TRAPPC9: variants seen among roughly 807,000 people sequenced by gnomAD.
The protein encoded by TRAPPC9 is IKK2 binding protein.
TRAPPC9 carries 83 observed loss-of-function variants against 124.0 expected under a neutral mutation model. The observed-to-expected ratio is 0.67, with a 90% CI of 0.56 to 0.80. The LOEUF (loss-of-function observed/expected upper bound fraction) is 0.80. TRAPPC9 is among the 30% of genes least tolerant of loss of function. The pLI, the probability that TRAPPC9 is intolerant of heterozygous loss-of-function variation, is 0.00. For missense variants in TRAPPC9, 1,302 were observed against 1,508.3 expected, an observed-to-expected ratio of 0.86 and a Z score of 2.27; for synonymous variants, 638 against 617.5, an observed-to-expected ratio of 1.03 and a Z score of -0.49.
chr8:140,457,736 C>A lies in TRAPPC9; in HGVS notation c.-108G>T, dbSNP rs1216426287. 4.0e-6 allele frequency: 4 copies of A among 995,702 alleles called. No homozygotes were observed. Among genetic ancestry groups the A allele is most frequent in the Non-Finnish European group, 4.8e-6 (4 of 836,320 alleles). 61.7% of individuals were successfully genotyped at this position (995,702 alleles called of 1,614,324 possible). A position where few individuals can be genotyped will look rare whatever the true frequency, so the allele number is the denominator to read the frequency against. ...CCACTTCCCAGGCTCTGGGCTGGCGCTTCCTACTGGCGGCCGAGCCGGCGC... is the reference window on the plus strand; with the variant it reads ...CCACTTCCCAGGCTCTGGGCTGGCGATTCCTACTGGCGGCCGAGCCGGCGC... On this transcript the variant is annotated 5_prime_UTR_variant, in exon 1 of 23. Coordinates refer to ENST00000438773, the MANE Select transcript of TRAPPC9 (RefSeq NM_001160372.4).
intron 7 of TRAPPC9, among the ~76,000 whole-genome samples, chr8:140,384,030 G>C (rs200346174): frequency 6.6e-6 from 1 of 152,238 alleles, no homozygotes; most frequent in Middle Eastern, 3.4e-3. Context: ...AAGAAAAGAA[G>C]TTTCAACCCA....
In TRAPPC9 at chr8:140,427,125, C is replaced by T. The variant is rs112025705; in HGVS notation, c.860-484G>A. On this transcript the variant is annotated intron_variant, in intron 4 of 22. Coordinates refer to ENST00000438773, the MANE Select transcript of TRAPPC9 (RefSeq NM_001160372.4). ...TTTTTTTTTGTATTTTTAGTAGAGA[C>T]GGGTTTCACCATGTTAGCCAGGCTG... 4.8e-3 allele frequency among the ~76,000 whole-genome samples: 697 copies of T among 144,836 alleles called. 6 individuals carry two copies. The highest frequency in any genetic ancestry group is 0.016 in the African/African-American group (628 of 39,104).
intron 6 of TRAPPC9, among the ~76,000 whole-genome samples, chr8:140,400,579 ATG>A (rs559664092): frequency 6.6e-6 from 1 of 152,188 alleles, no homozygotes; most frequent in South Asian, 2.1e-4. Flanking sequence ...AGTTCCTATT[ATG>A]GTTCCTGAGA....
At chr8:140,245,095 C>T (rs367864636) in intron 16 of TRAPPC9, among the ~76,000 whole-genome samples, 1 of 152,094 alleles carries the variant, frequency 6.6e-6, no homozygotes, top group Non-Finnish European at 1.5e-5. Flanking sequence ...CGAGCCACCG[C>T]GCCTGGCCTC....
At chr8:140,122,462 C>A (rs1307082854) in intron 17 of TRAPPC9, among the ~76,000 whole-genome samples, 2 of 152,196 alleles carry the variant, frequency 1.3e-5, no homozygotes, top group African/African-American at 4.8e-5. Flanking sequence ...ATAACTATTG[C>A]ATATAGTAGG....
chr8:140,337,600 C>T (rs1054181155), intron 9 of TRAPPC9, among the ~76,000 whole-genome samples: 11 of 152,290 alleles, frequency 7.2e-5, no homozygotes, highest in South Asian at 6.2e-4. Flanking sequence ...CATCCAGATG[C>T]GCCTCCCTCC....
chr8:140,440,260 C>T (rs1049604259), intron 2 of TRAPPC9, among the ~76,000 whole-genome samples: 3 of 152,300 alleles, frequency 2.0e-5, no homozygotes, highest in Non-Finnish European at 4.4e-5. Context: ...GTAATCCCAG[C>T]ACTTTGGGAG....
intron 9 of TRAPPC9, among the ~76,000 whole-genome samples, chr8:140,326,996 A>G (rs142170547): frequency 0.011 from 1,635 of 152,350 alleles, 32 homozygotes; most frequent in African/African-American, 0.038. Flanking sequence ...TCATGCCTGT[A>G]ATCCCAGCAC....
At chr8:139,919,717 C>T (rs1246950255) in intron 19 of TRAPPC9, among the ~76,000 whole-genome samples, 1 of 152,202 alleles carries the variant, frequency 6.6e-6, no homozygotes, top group Admixed American at 6.5e-5. Context: ...CCACTCCATC[C>T]TTACCTTGGT....
chr8:140,007,520 T>C lies in TRAPPC9; in HGVS notation c.2699+16417A>G, dbSNP rs532381694. On this transcript the variant is annotated intron_variant, in intron 18 of 22. Coordinates refer to ENST00000438773, the MANE Select transcript of TRAPPC9 (RefSeq NM_001160372.4). ...TGTTTCATGCATCACCATTTGGAAA[T>C]TAAACTCTACAATGATTAAACAAAG... Among the ~76,000 whole-genome samples the C allele has an allele frequency of 5.3e-5, 8 of 152,282 alleles. No individual in the cohort carries two copies. In the East Asian group the frequency reaches 1.5e-3, roughly 29 times the overall value.
intron 7 of TRAPPC9, among the ~76,000 whole-genome samples, chr8:140,397,080 C>G (rs1024581783): frequency 6.6e-6 from 1 of 152,178 alleles, no homozygotes; most frequent in Non-Finnish European, 1.5e-5. Context: ...CCAAGTTAAA[C>G]TAACTAAATA....
rs1418563384 is a variant in TRAPPC9 at position 140,257,522 on chromosome 8, G to A, written c.2279-4593C>T. ...TGGGAAAAAGGACCCCGTGCCATGCGAGCGCACAGGGGAGGGAGGAAAGAA... is the reference window on the plus strand; with the variant it reads ...TGGGAAAAAGGACCCCGTGCCATGCAAGCGCACAGGGGAGGGAGGAAAGAA... On this transcript the variant is annotated intron_variant, in intron 15 of 22. Coordinates refer to ENST00000438773, the MANE Select transcript of TRAPPC9 (RefSeq NM_001160372.4). This position sits in a 1 kb window ranked among gnomAD's most constrained non-coding sequence, Gnocchi z 4.6. 2.6e-5 allele frequency among the ~76,000 whole-genome samples: 4 copies of A among 152,198 alleles called. No homozygotes were observed. The highest frequency in any genetic ancestry group is 4.8e-5 in the African/African-American group (2 of 41,446).
intron 16 of TRAPPC9, among the ~76,000 whole-genome samples, chr8:140,229,545 T>C (rs1400358713): frequency 6.6e-6 from 1 of 151,376 alleles, no homozygotes; most frequent in Admixed American, 6.6e-5. Flanking sequence ...TGGAATTATA[T>C]ATAGGTGTGA....
chr8:140,135,555 A>C (rs1456480176), intron 17 of TRAPPC9, among the ~76,000 whole-genome samples: 1 of 152,248 alleles, frequency 6.6e-6, no homozygotes, highest in Non-Finnish European at 1.5e-5. Flanking sequence ...ATACTGTATA[A>C]TTCCACATAC....
rs532269953 is a variant in TRAPPC9 at position 140,029,016 on chromosome 8, C to A, written c.2557-4937G>T. ...AAAAAGAGAAGAGAAAAACAAATTG[C>A]CAACATCAGGAATGAGAATGATTAT... On this transcript the variant is annotated intron_variant, in intron 17 of 22. Transcript: ENST00000438773. Among the ~76,000 whole-genome samples the A allele has an allele frequency of 3.1e-3, 477 of 152,248 alleles. 1 individual carries two copies. Among genetic ancestry groups the A allele is most frequent in the Non-Finnish European group, 4.7e-3 (321 of 68,004 alleles).
intron 21 of TRAPPC9, among the ~76,000 whole-genome samples, chr8:139,764,582 G>GC (rs779471679): frequency 1.3e-5 from 2 of 152,150 alleles, no homozygotes; most frequent in Non-Finnish European, 2.9e-5. Context: ...AGGTGGTTCT[G>GC]CCCCCTGTGG....
At chr8:140,268,531 A>G (rs56065744) in intron 15 of TRAPPC9, among the ~76,000 whole-genome samples, 37,512 of 152,162 alleles carry the variant, frequency 0.25, 5,054 homozygotes, top group African/African-American at 0.35. Flanking sequence ...AAATGGCTCT[A>G]CCATGCCGTC....
intron 16 of TRAPPC9, among the ~76,000 whole-genome samples, chr8:140,237,386 G>A (rs111926771): frequency 4.6e-5 from 7 of 151,332 alleles, no homozygotes; most frequent in African/African-American, 1.7e-4. Context: ...GAGATTCAGA[G>A]AATGAGTAAG....
At chr8:140,300,357 GCA>G (rs2065939180) in intron 11 of TRAPPC9, 110 bp downstream of exon 11, 1 of 1,390,962 alleles carries the variant, frequency 7.2e-7, no homozygotes, top group African/African-American at 1.4e-5. Context: ...ATCCACGCAC[GCA>G]CACACATGCA....
Sources: gnomAD v4.1 joint callset for allele counts (sites outside exome capture counted in the v4.1 genomes callset) on GRCh38, gnomAD v4.1.1 for gene constraint, Gnocchi (gnomAD v3.1) non-coding constraint, MANE v1.5 for transcripts, NCBI Gene and HGNC (gene_info 2026-07-23, HGNC 2026-07-21) for gene names.